Variants in GRB10 observed in about 807,000 individuals in gnomAD.
GRB10 encodes the protein growth factor receptor bound protein 10.
A neutral mutation model predicts 80.9 loss-of-function variants in GRB10; 20 were observed. The ratio of observed to expected loss-of-function variants is 0.25; its 90% CI spans 0.17 to 0.36. GRB10 has a LOEUF of 0.36. Among genes scored for constraint, GRB10 ranks in the 10% least tolerant of loss-of-function variants. GRB10 has a pLI of 1.00. For missense variants in GRB10, 548 were observed against 747.7 expected, an observed-to-expected ratio of 0.73 and a Z score of 3.12; for synonymous variants, 291 against 291.5, an observed-to-expected ratio of 1.00 and a Z score of 0.02.
At chr7:50,780,974 G>T (rs915999860) in intron 1 of GRB10, 5 of 152,132 alleles carry the variant, frequency 3.3e-5, no homozygotes, top group African/African-American at 1.2e-4. Context: ...ATGGCTGGAG[G>T]AGCAACTGGT....
intron 5 of GRB10, 67 bp from the exon 6 acceptor site, chr7:50,674,725 C>T: frequency 1.5e-6 from 2 of 1,339,756 alleles, no homozygotes; most frequent in South Asian, 1.2e-5. Context: ...CCCAAATGTA[C>T]ATCTTGGTGA....
chr7:50,661,352 C>T (rs760800985), intron 7 of GRB10, among the ~76,000 whole-genome samples: 5 of 152,184 alleles, frequency 3.3e-5, no homozygotes, highest in Admixed American at 6.5e-5. Flanking sequence ...CTGATTGGAG[C>T]TAAGACAAGA....
At position 50,605,708 on chromosome 7, in the gene GRB10, C is replaced by A. The variant is rs565854183; in HGVS notation, c.1273-302G>T. Among the ~76,000 whole-genome samples, 15 of 152,294 alleles carry A rather than the reference C, an allele frequency of 9.8e-5. No individual in the cohort carries two copies. In the South Asian group the frequency reaches 2.9e-3, roughly 29 times the overall value. On this transcript the variant is annotated intron_variant, in intron 14 of 18. Transcript: ENST00000401949. ...TGGTCCTTCACAGGCTCCTGACCTG[C>A]ACTCCAACACATCAAAGAAATCAAC...
chr7:50,785,873 G>A (rs545095948), upstream of GRB10, among the ~76,000 whole-genome samples: 7 of 152,144 alleles, frequency 4.6e-5, no homozygotes, highest in Non-Finnish European at 8.8e-5. Flanking sequence ...TGAGATAGAC[G>A]TATCTATGAA....
At chr7:50,609,362 C>T (rs766995270) in intron 13 of GRB10, among the ~76,000 whole-genome samples, 1 of 152,066 alleles carries the variant, frequency 6.6e-6, no homozygotes, top group African/African-American at 2.4e-5. Context: ...TTAATATGTG[C>T]CAGATTAGAC....
At chr7:50,762,250 A>C (rs2075847125) in intron 2 of GRB10, among the ~76,000 whole-genome samples, 1 of 151,616 alleles carries the variant, frequency 6.6e-6, no homozygotes, top group African/African-American at 2.4e-5. Flanking sequence ...ACACCTAGGA[A>C]GTCTAATGGT....
chr7:50,664,290 A>G (rs1310511317), intron 7 of GRB10, among the ~76,000 whole-genome samples: 2 of 152,198 alleles, frequency 1.3e-5, no homozygotes, highest in Non-Finnish European at 2.9e-5. Flanking sequence ...GTACCTATAC[A>G]CATGGCTCCC....
At chr7:50,672,485 C>T (rs1212941711) in intron 6 of GRB10, among the ~76,000 whole-genome samples, 1 of 152,064 alleles carries the variant, frequency 6.6e-6, no homozygotes, top group African/African-American at 2.4e-5. Context: ...TTTTAATCCA[C>T]CTGAAAGTAA....
At position 50,601,111 on chromosome 7, in the gene GRB10, C is replaced by T. The variant is rs1335227441; in HGVS notation, c.1544+2887G>A. Among the ~76,000 whole-genome samples, 5 of 152,232 alleles carry T rather than the reference C, an allele frequency of 3.3e-5. No homozygotes were observed. The East Asian group carries it at 5.8e-4, about 18-fold the overall frequency. ...AGCGATCCTTGGGATGCAGAGACTG[C>T]GGGAACTGCGCAGCGCAGTACTTGC... On this transcript the variant is annotated intron_variant, in intron 17 of 18. Transcript: ENST00000401949.
chr7:50,713,067 G>A (rs2066139337), intron 4 of GRB10, among the ~76,000 whole-genome samples: 1 of 152,168 alleles, frequency 6.6e-6, no homozygotes, highest in East Asian at 1.9e-4. Flanking sequence ...CCACATCAAT[G>A]AGGCATTTTG....
intron 10 of GRB10, 139 bp downstream of exon 10, chr7:50,617,932 A>C: frequency 1.0e-5 from 8 of 769,790 alleles, no homozygotes; most frequent in African/African-American, 3.5e-5. Flanking sequence ...CCCCCCAACC[A>C]CCCCTCCGGC....
chr7:50,622,698 G>A (rs560014125), intron 8 of GRB10, among the ~76,000 whole-genome samples: 19 of 152,154 alleles, frequency 1.2e-4, no homozygotes, highest in African/African-American at 4.1e-4. Context: ...CCCAGGGATG[G>A]GTTTATCTGC....
At chr7:50,782,996 C>G (rs886930897), upstream of GRB10, 4 of 152,452 alleles carry the variant, frequency 2.6e-5, no homozygotes, top group African/African-American at 9.6e-5. This position sits in a 1 kb window ranked among gnomAD's most constrained non-coding sequence, Gnocchi z 6.6. Context: ...CCCTGAAGAA[C>G]CCCTTGTTCC....
chr7:50,742,271 GCACACACACACA>G (rs55813195), intron 3 of GRB10, among the ~76,000 whole-genome samples: 111 of 46,904 alleles, frequency 2.4e-3, no homozygotes, highest in Middle Eastern at 0.024. Context: ...ACGCGCGCGC[GCACACACACACA>G]CACACACACA....
At chr7:50,729,323 T>C (rs2069213911) in intron 4 of GRB10, 1 of 152,278 alleles carries the variant, frequency 6.6e-6, no homozygotes, top group Non-Finnish European at 1.5e-5. Flanking sequence ...GCAAGTTGTT[T>C]CATTTCTAAT....
chr7:50,654,241 G>A (rs2058373200), intron 7 of GRB10, among the ~76,000 whole-genome samples: 1 of 152,196 alleles, frequency 6.6e-6, no homozygotes, highest in Admixed American at 6.5e-5. Context: ...GCACCACGGG[G>A]TCCCAGGGAG....
intron 3 of GRB10, among the ~76,000 whole-genome samples, chr7:50,734,363 G>A (rs1287932838): frequency 2.0e-5 from 3 of 151,926 alleles, no homozygotes; most frequent in Non-Finnish European, 4.4e-5. Context: ...TCTCCCCTTC[G>A]CCCACATCTC....
Position 50,592,628 on chromosome 7 carries a change from T to C in GRB10, c.*324A>G. On this transcript the variant is annotated 3_prime_UTR_variant, in exon 19 of 19. Coordinates refer to ENST00000401949, the MANE Select transcript of GRB10 (RefSeq NM_001350814.2). ...AAGATTATTCCAGGGCAAGAGTTCA[T>C]TTCCAATCACTTCTCTCCGGTTCTT... is the stretch of plus-strand genomic sequence containing the variant. 2.4e-6 allele frequency: 1 copy of C among 411,950 alleles called. No individual in the cohort carries two copies. Among genetic ancestry groups the C allele is most frequent in the Non-Finnish European group, 4.5e-6 (1 of 221,404 alleles). 25.5% of individuals were successfully genotyped at this position (411,950 alleles called of 1,614,324 possible). A position where few individuals can be genotyped will look rare whatever the true frequency, so the allele number is the denominator to read the frequency against.
intron 1 of GRB10, among the ~76,000 whole-genome samples, chr7:50,781,890 T>A (rs1323333410): frequency 6.6e-6 from 1 of 152,230 alleles, no homozygotes; most frequent in Non-Finnish European, 1.5e-5. Context: ...GAGGTTTTCA[T>A]GGAGAAAGAG....
Sources: allele counts gnomAD v4.1 joint callset (sites outside exome capture counted in the v4.1 genomes callset), GRCh38; gene constraint gnomAD v4.1.1; non-coding constraint Gnocchi (gnomAD v3.1); transcripts MANE v1.5; gene names NCBI Gene and HGNC (gene_info 2026-07-23, HGNC 2026-07-21).